SMCHD1: variants seen among roughly 807,000 people sequenced by gnomAD.
The protein encoded by SMCHD1 is structural maintenance of chromosomes flexible hinge domain containing 1.
In SMCHD1, 78 loss-of-function variants were observed where a neutral mutation model predicts 254.7. The observed-to-expected ratio is 0.31, with a 90% CI of 0.26 to 0.37. The LOEUF (loss-of-function observed/expected upper bound fraction) is 0.37, where lower values mean the gene tolerates loss of function less well. Among genes scored for constraint, SMCHD1 ranks in the 10% least tolerant of loss-of-function variants. The probability of loss-of-function intolerance (pLI) is 1.00; values close to 1 mark genes in which losing one functional copy is unlikely to be tolerated. For missense variants in SMCHD1, 1,840 were observed against 2,408.1 expected, an observed-to-expected ratio of 0.76 and a Z score of 4.94; for synonymous variants, 766 against 794.9, an observed-to-expected ratio of 0.96 and a Z score of 0.61.
rs560937333 is a variant in SMCHD1, at chr18:2,804,966, T to A, written c.*2414T>A. ...TTCCAAAGGAAAATAATAGCCTACT[T>A]GTATTTTGAAGTAACTGAAATAAAA... is the stretch of plus-strand genomic sequence containing the variant. On this transcript the variant is annotated 3_prime_UTR_variant, in exon 48 of 48. Transcript: ENST00000320876. 1 of 152,360 alleles carries A rather than the reference T, an allele frequency of 6.6e-6. No individual in the cohort carries two copies. Among genetic ancestry groups the A allele is most frequent in the South Asian group, 2.1e-4 (1 of 4,832 alleles). 9.4% of individuals were successfully genotyped at this position (152,360 alleles called of 1,614,324 possible).
At chr18:2,675,650 A>T (rs1385557487) in intron 5 of SMCHD1, among the ~76,000 whole-genome samples, 1 of 152,154 alleles carries the variant, frequency 6.6e-6, no homozygotes, top group African/African-American at 2.4e-5. Context: ...GAAGGCAAAG[A>T]CCACTGTCTT....
rs1001246629 is a variant in SMCHD1 at position 2,655,814 on chromosome 18, GCGC to G, written c.-258_-256del. 1.9e-5 allele frequency: 6 copies of G among 320,832 alleles called. No individual in the cohort carries two copies. The highest frequency in any genetic ancestry group is 1.0e-4 in the Admixed American group (2 of 20,038). The allele number at this position is 320,832 out of a possible 1,614,324, so 19.9% of individuals were successfully genotyped here. On this transcript the variant is annotated 5_prime_UTR_variant, in exon 1 of 48. Transcript: ENST00000320876. The stretch of plus-strand genomic sequence containing the variant: ...GCTGGGCCCGGGCCCGGTGAGGAGC[GCGC>G]CGCGCGTCCCCTTCTCCTCAGGAGT...
chr18:2,657,973 G>T (rs527983199), intron 1 of SMCHD1, among the ~76,000 whole-genome samples: 2 of 150,282 alleles, frequency 1.3e-5, no homozygotes, highest in Admixed American at 1.3e-4. Flanking sequence ...CGTATTTTTC[G>T]TACATACGGG....
chr18:2,684,758 T>G (rs2074004071), intron 5 of SMCHD1, among the ~76,000 whole-genome samples: 1 of 148,390 alleles, frequency 6.7e-6, no homozygotes, highest in Non-Finnish European at 1.5e-5. Flanking sequence ...CCTTTTTGGC[T>G]TATTAACTAT....
chr18:2,707,408 A>G, intron 15 of SMCHD1, 155 bp from the exon 16 acceptor site: 2 of 432,322 alleles, frequency 4.6e-6, no homozygotes, highest in Non-Finnish European at 8.1e-6. Flanking sequence ...TAGGGAGGAA[A>G]AAAATTTTTA....
chr18:2,772,262 G>A lies in SMCHD1; in HGVS notation c.5065G>A (p.Glu1689Lys). ...IPTTQQVPHI[E>K]ALLKRKLSEQ... ...TTATAAATTATAGGTGCCACACATTGAAGCACTTCTGAAAAGAAAGCTATC... is the reference window on the plus strand; with the variant it reads ...TTATAAATTATAGGTGCCACACATTAAAGCACTTCTGAAAAGAAAGCTATC... The change falls in exon 41 of 48, where the codon GAA becomes AAA. Residue 1689 changes from glutamate (E) to lysine (K), a missense_variant. Around this residue, in one of 9 missense-constraint regions of SMCHD1, gnomAD observed 881 missense variants for 1,009.5 expected, o/e 0.87. Transcript: ENST00000320876. The A allele has an allele frequency of 4.4e-6, 7 of 1,594,636 alleles. No homozygotes were observed. The highest frequency in any genetic ancestry group is 6.0e-6 in the Non-Finnish European group (7 of 1,173,438).
intron 38 of SMCHD1, 58 bp downstream of exon 38, chr18:2,769,878 T>A (rs2143735402): frequency 6.4e-7 from 1 of 1,556,542 alleles, no homozygotes; most frequent in African/African-American, 1.4e-5. Context: ...TTAGATAACC[T>A]TGTTTTGCTT....
intron 17 of SMCHD1, among the ~76,000 whole-genome samples, chr18:2,708,905 T>TA (rs1444747093): frequency 2.3e-4 from 9 of 39,772 alleles, no homozygotes; most frequent in African/African-American, 6.8e-4. Context: ...TATATATATA[T>TA]ATAACATATT....
chr18:2,678,822 G>GT (rs572937755), intron 5 of SMCHD1, among the ~76,000 whole-genome samples: 25 of 144,672 alleles, frequency 1.7e-4, no homozygotes, highest in African/African-American at 6.0e-4. Flanking sequence ...TCCGTTTTTT[G>GT]TTTTTTTTTT....
At chr18:2,762,078 A>T in intron 35 of SMCHD1, 27 bp from the exon 36 acceptor site, 1 of 1,604,442 alleles carries the variant, frequency 6.2e-7, no homozygotes, top group Non-Finnish European at 8.5e-7. Context: ...TATATTGTTA[A>T]TCAGAATGTC....
intron 22 of SMCHD1, among the ~76,000 whole-genome samples, chr18:2,727,451 G>A (rs970089126): frequency 2.0e-5 from 3 of 152,012 alleles, no homozygotes; most frequent in South Asian, 2.1e-4. Context: ...AAAATCATAC[G>A]TATCAACAAA....
chr18:2,716,498 G>C (rs599400), intron 17 of SMCHD1, among the ~76,000 whole-genome samples: 47,427 of 152,104 alleles, frequency 0.31, 9,333 homozygotes, highest in Non-Finnish European at 0.44. Context: ...GTAACTTCCA[G>C]GGGTCCCAGT....
chr18:2,798,924 C>T (rs891603687), intron 47 of SMCHD1, among the ~76,000 whole-genome samples: 1 of 152,150 alleles, frequency 6.6e-6, no homozygotes, highest in African/African-American at 2.4e-5. Flanking sequence ...TAAATTTGCC[C>T]TAGACCTTCC....
chr18:2,735,753 C>T (rs777223679), intron 25 of SMCHD1, among the ~76,000 whole-genome samples: 1 of 152,132 alleles, frequency 6.6e-6, no homozygotes, highest in East Asian at 1.9e-4. Flanking sequence ...CTGCAAAACA[C>T]TACTGAAAGA....
chr18:2,739,559 ATCT>A, intron 27 of SMCHD1, 39 bp downstream of exon 27: 2 of 1,505,596 alleles, frequency 1.3e-6, no homozygotes, highest in Non-Finnish European at 1.8e-6. Flanking sequence ...CAACAAAAAA[ATCT>A]TCTGTGATGT....
At chr18:2,739,118 G>A (rs79218306) in intron 26 of SMCHD1, among the ~76,000 whole-genome samples, 6,384 of 152,176 alleles carry the variant, frequency 0.042, 203 homozygotes, top group Non-Finnish European at 0.057. Flanking sequence ...CATTCTGACC[G>A]TAATGAGATC....
chr18:2,728,831 C>T (rs2075077513), intron 23 of SMCHD1: 1 of 389,302 alleles, frequency 2.6e-6, no homozygotes, highest in Non-Finnish European at 4.5e-6. Flanking sequence ...CTCACCTCTC[C>T]TCTCTTGACT....
chr18:2,705,885 C>A (rs958371392), intron 14 of SMCHD1, 78 bp downstream of exon 14: 8 of 800,540 alleles, frequency 1.0e-5, no homozygotes, highest in Admixed American at 2.6e-5. Context: ...CAGTATATTT[C>A]GCTAGTGACT....
chr18:2,731,752 C>G (rs2075144089), intron 24 of SMCHD1, among the ~76,000 whole-genome samples: 2 of 152,174 alleles, frequency 1.3e-5, no homozygotes, highest in South Asian at 4.1e-4. Flanking sequence ...TGGCTGATGC[C>G]TGTAATCCCA....
Sources: allele counts gnomAD v4.1 joint callset (sites outside exome capture counted in the v4.1 genomes callset), GRCh38; gene constraint gnomAD v4.1.1; regional missense constraint gnomAD v4.1.1; transcripts MANE v1.5; gene names NCBI Gene and HGNC (gene_info 2026-07-23, HGNC 2026-07-21).